TSC22D1: variants seen among roughly 807,000 people sequenced by gnomAD.
TSC22D1 encodes the protein TSC22 domain family member 1, also known as TSC22 domain family protein 1.
A neutral mutation model predicts 74.2 loss-of-function variants in TSC22D1; 9 were observed. That is an observed-to-expected ratio of 0.12 (90% CI 0.07 to 0.21). The LOEUF is 0.21. TSC22D1 is among the 10% of genes least tolerant of loss of function. The pLI is 1.00. For synonymous variants in TSC22D1, 586 were observed against 492.5 expected, an observed-to-expected ratio of 1.19 and a Z score of -2.51; for missense variants, 1,427 against 1,304.7, an observed-to-expected ratio of 1.09 and a Z score of -1.44.
intron 1 of TSC22D1, chr13:44,451,368 C>T (rs1050928923): frequency 2.0e-5 from 3 of 152,234 alleles, no homozygotes; most frequent in African/African-American, 7.2e-5. Flanking sequence ...CAAAAACAGC[C>T]TCCACTCCAA....
intron 1 of TSC22D1, among the ~76,000 whole-genome samples, chr13:44,463,822 T>C (rs1877125969): frequency 6.6e-6 from 1 of 152,228 alleles, no homozygotes; most frequent in South Asian, 2.1e-4. Context: ...TACTGTTTAC[T>C]GTACCTGTTT....
chr13:44,454,547 T>C (rs745758929), intron 1 of TSC22D1, among the ~76,000 whole-genome samples: 1 of 151,572 alleles, frequency 6.6e-6, no homozygotes, highest in Non-Finnish European at 1.5e-5. Flanking sequence ...CATTCCCATT[T>C]AATTAGTTAC....
intron 1 of TSC22D1, among the ~76,000 whole-genome samples, chr13:44,450,343 C>T (rs1249716748): frequency 2.0e-5 from 3 of 152,162 alleles, no homozygotes; most frequent in Non-Finnish European, 4.4e-5. Context: ...AGGCTGGGGC[C>T]TCACAGGCCA....
rs1052210069 is a variant in TSC22D1, at chr13:44,556,622, T to C, written c.2912+16541A>G. Among the ~76,000 whole-genome samples the C allele has an allele frequency of 2.6e-5, 4 of 151,960 alleles. No homozygotes were observed. In the East Asian group the frequency reaches 7.7e-4, roughly 29 times the overall value. On this transcript the variant is annotated intron_variant, in intron 1 of 2. Transcript: ENST00000458659. ...GGCTCATGCCTGTAATCCCAGCATT[T>C]TGGGAGGCCAAGACGAGCAGATCAC...
intron 1 of TSC22D1, among the ~76,000 whole-genome samples, chr13:44,468,001 C>T (rs367904114): frequency 0.082 from 11,020 of 134,564 alleles, 494 homozygotes; most frequent in Non-Finnish European, 0.11. Context: ...TACACACACG[C>T]GCACACACAC....
At chr13:44,459,657 A>G (rs528542474) in intron 1 of TSC22D1, among the ~76,000 whole-genome samples, 1 of 152,194 alleles carries the variant, frequency 6.6e-6, no homozygotes, top group Admixed American at 6.5e-5. Context: ...GGGCTCCCCA[A>G]CCCAGGGCTG....
chr13:44,436,095 G>C lies in TSC22D1; in HGVS notation c.2913C>G (p.Ser971Arg), dbSNP rs376724018. ...TAGCTACCACACTTGCACCAGAGGA[G>C]CTGAAAAAGAGGAGGGAAAAAGGTC... ...TTPLVDGEDE[S>R]SSGASVVAID... Residue 971 changes from serine (S) to arginine (R), a missense_variant and splice_region_variant, in exon 2 of 3, where the codon AGC becomes AGG. Coordinates refer to ENST00000458659, the MANE Select transcript of TSC22D1 (RefSeq NM_183422.4). The C allele has an allele frequency of 6.2e-7, 1 of 1,610,980 alleles. No individual in the cohort carries two copies. Among genetic ancestry groups the C allele is most frequent in the South Asian group, 1.1e-5 (1 of 90,204 alleles).
intron 1 of TSC22D1, among the ~76,000 whole-genome samples, chr13:44,564,235 A>T (rs1883224191): frequency 6.6e-6 from 1 of 152,176 alleles, no homozygotes; most frequent in Non-Finnish European, 1.5e-5. Context: ...GATTAAGCAG[A>T]TTTTATCTAA....
At position 44,574,068 on chromosome 13, in the gene TSC22D1, G is replaced by C. The variant is rs781265296; in HGVS notation, c.2007C>G (p.Ser669=). The C allele has an allele frequency of 6.2e-7, 1 of 1,614,230 alleles. No individual in the cohort carries two copies. The highest frequency in any genetic ancestry group is 8.5e-7 in the Non-Finnish European group (1 of 1,180,052). ...CTACTCCTGCAGAACTGGGCTGTCC[G>C]GAGGACATTGCTGTTTGAAGAATTG... ...QQPILQTAMS[S]GQPSSAGVGA... The change falls in exon 1 of 3, where the codon TCC becomes TCG. Residue 669 remains serine (S), a synonymous_variant. Coordinates refer to ENST00000458659, the MANE Select transcript of TSC22D1 (RefSeq NM_183422.4).
upstream of TSC22D1, among the ~76,000 whole-genome samples, chr13:44,576,857 GA>G (rs950663293): frequency 2.0e-5 from 3 of 151,588 alleles, no homozygotes; most frequent in Admixed American, 6.6e-5. Context: ...GTGGCAGCGG[GA>G]GCCCAGGGAC....
chr13:44,539,742 C>G (rs1386114752), intron 1 of TSC22D1: 14 of 1,251,450 alleles, frequency 1.1e-5, no homozygotes, highest in Admixed American at 5.3e-5. Flanking sequence ...TAAATTAACC[C>G]AAGTAAATAA....
At chr13:44,544,357 A>C (rs1881675493) in intron 1 of TSC22D1, among the ~76,000 whole-genome samples, 1 of 136,494 alleles carries the variant, frequency 7.3e-6, no homozygotes, top group East Asian at 2.0e-4. Context: ...ACAAAAAGGC[A>C]AAAAAAAAAA....
At chr13:44,555,519 C>A (rs1882579617) in intron 1 of TSC22D1, among the ~76,000 whole-genome samples, 1 of 152,048 alleles carries the variant, frequency 6.6e-6, no homozygotes, top group South Asian at 2.1e-4. Flanking sequence ...GGCGGGAGAA[C>A]CACTTGAACC....
intron 1 of TSC22D1, among the ~76,000 whole-genome samples, chr13:44,449,067 T>C (rs1445885769): frequency 2.0e-5 from 3 of 152,240 alleles, no homozygotes; most frequent in Non-Finnish European, 4.4e-5. Context: ...CAGAGACCCA[T>C]GCTGCATGTG....
chr13:44,461,151 A>C (rs576124078), intron 1 of TSC22D1, among the ~76,000 whole-genome samples: 1 of 152,344 alleles, frequency 6.6e-6, no homozygotes, highest in African/African-American at 2.4e-5. Flanking sequence ...TATCTTGCTT[A>C]ATATTCAACT....
chr13:44,456,423 CACAGAGCGCTGATTGGTCCATTTTT>C (rs1566121962), intron 1 of TSC22D1, among the ~76,000 whole-genome samples: 1 of 152,100 alleles, frequency 6.6e-6, no homozygotes, highest in Non-Finnish European at 1.5e-5. Context: ...TTTAGCTAGA[CACAGAGCGCTGATTGGTCCATTTTT>C]ACAGAGTGCT....
chr13:44,525,457 C>T (rs1880503355), intron 1 of TSC22D1, among the ~76,000 whole-genome samples: 1 of 152,080 alleles, frequency 6.6e-6, no homozygotes, highest in African/African-American at 2.4e-5. Context: ...AGCATGGAGG[C>T]GCATGCCTGT....
At chr13:44,513,900 A>G (rs1022182700) in intron 1 of TSC22D1, among the ~76,000 whole-genome samples, 1 of 152,246 alleles carries the variant, frequency 6.6e-6, no homozygotes, top group African/African-American at 2.4e-5. Flanking sequence ...CAGTTTTAAT[A>G]GATAAACCTT....
chr13:44,555,388 C>T (rs1882569695), intron 1 of TSC22D1, among the ~76,000 whole-genome samples: 1 of 152,136 alleles, frequency 6.6e-6, no homozygotes, highest in East Asian at 1.9e-4. Flanking sequence ...GAGGATGGAT[C>T]ACCTGACCTC....
Sources: gnomAD v4.1 joint callset for allele counts (sites outside exome capture counted in the v4.1 genomes callset) on GRCh38, gnomAD v4.1.1 for gene constraint, MANE v1.5 for transcripts, NCBI Gene and HGNC (gene_info 2026-07-23, HGNC 2026-07-21) for gene names.